Variants in SLC39A11 observed in about 807,000 individuals in gnomAD.
The protein encoded by SLC39A11 is solute carrier family 39 member 11.
SLC39A11 carries 33 observed loss-of-function variants against 36.1 expected under a neutral mutation model. The observed-to-expected ratio is 0.91, with a 90% CI of 0.69 to 1.22. The LOEUF (loss-of-function observed/expected upper bound fraction) is 1.22, where lower values mean the gene tolerates loss of function less well. SLC39A11 is among the 50% of genes most tolerant of loss of function. The pLI is 0.00. For missense variants in SLC39A11, 432 were observed against 430.3 expected (o/e 1.00, Z -0.03); for synonymous variants, 166 against 170.3 (o/e 0.97, Z 0.20).
At chr17:72,836,801 G>A (rs544078414) in intron 6 of SLC39A11, among the ~76,000 whole-genome samples, 1 of 152,230 alleles carries the variant, frequency 6.6e-6, no homozygotes, top group South Asian at 2.1e-4. Flanking sequence ...TTTTATTATG[G>A]TCAATGATGC....
rs560361566 is a variant in SLC39A11 at position 72,972,938 on chromosome 17, AG to A, written c.307-25064del. On this transcript the variant is annotated intron_variant, in intron 4 of 9. Transcript: ENST00000255559. ...TAAACACCAACCTCTGTGGTAGGTC[AG>A]GCAGGAAGGAAAAGGATGCTGTGGG... Among the ~76,000 whole-genome samples the A allele has an allele frequency of 5.9e-5, 9 of 152,128 alleles. No homozygotes were observed. The South Asian group carries it at 1.7e-3, about 28-fold the overall frequency.
At chr17:73,060,210 C>CAAAAAAAAAAAAAAAAAAAGAAAAAAAAA (rs2059797398) in intron 3 of SLC39A11, among the ~76,000 whole-genome samples, 3 of 70,350 alleles carry the variant, frequency 4.3e-5, no homozygotes, top group African/African-American at 5.6e-5. Context: ...AACTCCATCT[C>CAAAAAAAAAAAAAAAAAAAGAAAAAAAAA]AAAAAAAAAA....
chr17:72,848,738 T>G (rs1157055305), intron 6 of SLC39A11, among the ~76,000 whole-genome samples: 1 of 137,202 alleles, frequency 7.3e-6, no homozygotes. Context: ...AAAAAAGACA[T>G]AAAAGAAATT....
chr17:72,872,447 GTC>G (rs1167058415), intron 5 of SLC39A11, among the ~76,000 whole-genome samples: 1 of 152,204 alleles, frequency 6.6e-6, no homozygotes, highest in Non-Finnish European at 1.5e-5. Context: ...GACTCAACTG[GTC>G]TCTCGAAATA....
At chr17:72,885,991 C>A (rs1048038802) in intron 5 of SLC39A11, among the ~76,000 whole-genome samples, 1 of 152,198 alleles carries the variant, frequency 6.6e-6, no homozygotes, top group African/African-American at 2.4e-5. Flanking sequence ...GCTTGCTCAT[C>A]CTTTCAGCAT....
At chr17:73,081,632 T>TACAC (rs57284292) in intron 3 of SLC39A11, among the ~76,000 whole-genome samples, 11 of 110,646 alleles carry the variant, frequency 9.9e-5, no homozygotes, top group African/African-American at 2.3e-4. Context: ...TATATATACA[T>TACAC]ACACACACAC....
At chr17:72,959,042 C>A (rs2086428311) in intron 4 of SLC39A11, among the ~76,000 whole-genome samples, 1 of 151,758 alleles carries the variant, frequency 6.6e-6, no homozygotes, top group South Asian at 2.1e-4. Context: ...ATGTGGTGAT[C>A]AGAGAACACT....
At chr17:72,756,552 G>A (rs1007571738) in intron 6 of SLC39A11, among the ~76,000 whole-genome samples, 1 of 152,220 alleles carries the variant, frequency 6.6e-6, no homozygotes, top group Admixed American at 6.5e-5. Context: ...AATACTATAT[G>A]ATTCCACTTA....
intron 3 of SLC39A11, chr17:73,073,695 G>C (rs764813116): frequency 6.6e-6 from 1 of 152,156 alleles, no homozygotes; most frequent in African/African-American, 2.4e-5. Flanking sequence ...AACTTCCAAG[G>C]TCAGGCCTAG....
intron 3 of SLC39A11, chr17:73,067,890 A>G: frequency 6.2e-7 from 1 of 1,607,970 alleles, no homozygotes; most frequent in African/African-American, 1.3e-5. Flanking sequence ...TGAGACTTGC[A>G]GTAATGTAAA....
chr17:72,833,314 A>G (rs891151251), intron 6 of SLC39A11, among the ~76,000 whole-genome samples: 2 of 152,240 alleles, frequency 1.3e-5, no homozygotes, highest in African/African-American at 4.8e-5. Context: ...ATAGGTTATA[A>G]CATGGAAGAA....
intron 7 of SLC39A11, among the ~76,000 whole-genome samples, chr17:72,730,309 C>G (rs2074164256): frequency 6.6e-6 from 1 of 152,194 alleles, no homozygotes; most frequent in South Asian, 2.1e-4. Context: ...ATTACTTCCC[C>G]TTTCCTTAAG....
chr17:72,814,748 G>A (rs1455307328), intron 6 of SLC39A11, among the ~76,000 whole-genome samples: 2 of 152,166 alleles, frequency 1.3e-5, no homozygotes, highest in Non-Finnish European at 2.9e-5. Context: ...GGGCTGGGGG[G>A]ACCCCAAGAG....
chr17:72,707,243 A>G (rs78072503), intron 7 of SLC39A11, among the ~76,000 whole-genome samples: 5 of 152,034 alleles, frequency 3.3e-5, no homozygotes, highest in Non-Finnish European at 4.4e-5. Context: ...GCTACAAAAA[A>G]TGTTTCTTTA....
intron 5 of SLC39A11, among the ~76,000 whole-genome samples, chr17:72,885,259 C>T (rs547430217): frequency 6.6e-5 from 10 of 152,322 alleles, no homozygotes; most frequent in South Asian, 2.1e-4. Context: ...AAGCTTGGAA[C>T]GTCAACGCTT....
intron 6 of SLC39A11, among the ~76,000 whole-genome samples, chr17:72,797,074 C>T (rs1357008554): frequency 6.6e-6 from 1 of 152,084 alleles, no homozygotes; most frequent in Admixed American, 6.6e-5. Context: ...CTTGAAAGTG[C>T]CTGTGTGTGA....
intron 6 of SLC39A11, among the ~76,000 whole-genome samples, chr17:72,762,094 T>C (rs2075603302): frequency 6.6e-6 from 1 of 152,186 alleles, no homozygotes; most frequent in African/African-American, 2.4e-5. Context: ...TCAGAGGCGT[T>C]GGAACAAGAG....
chr17:72,751,017 C>T (rs145546113), intron 6 of SLC39A11, among the ~76,000 whole-genome samples: 3,650 of 152,188 alleles, frequency 0.024, 148 homozygotes, highest in African/African-American at 0.083. Flanking sequence ...GAGGCCAAGG[C>T]GGGAGGATCA....
intron 3 of SLC39A11, among the ~76,000 whole-genome samples, chr17:73,082,554 A>G (rs1393344589): frequency 1.3e-5 from 2 of 151,748 alleles, no homozygotes; most frequent in Non-Finnish European, 2.9e-5. Flanking sequence ...AGGATGGGGG[A>G]AAAAAAGAGA....
Sources: allele counts gnomAD v4.1 joint callset (sites outside exome capture counted in the v4.1 genomes callset), GRCh38; gene constraint gnomAD v4.1.1; transcripts MANE v1.5; gene names NCBI Gene and HGNC (gene_info 2026-07-23, HGNC 2026-07-21).